Variants in PTPRD observed in about 807,000 individuals in gnomAD.
The protein encoded by PTPRD is receptor-type tyrosine-protein phosphatase delta.
In PTPRD, 34 loss-of-function variants were observed where a neutral mutation model predicts 214.5. That is an observed-to-expected ratio of 0.16 (90% CI 0.12 to 0.21). The LOEUF is 0.21. PTPRD is among the 10% of genes least tolerant of loss of function. The pLI is 1.00. For missense variants in PTPRD, 2,545 were observed against 2,398.7 expected (o/e 1.06, Z -1.27); for synonymous variants, 1,128 against 845.7 (o/e 1.33, Z -5.79).
chr9:9,090,841 C>T, intron 10 of PTPRD: 1 of 776,474 alleles, frequency 1.3e-6, no homozygotes. Flanking sequence ...ATTCCATTGA[C>T]AATGATGACA....
intron 7 of PTPRD, among the ~76,000 whole-genome samples, chr9:9,724,107 G>GT (rs908919405): frequency 9.9e-5 from 15 of 152,042 alleles, no homozygotes; most frequent in African/African-American, 3.6e-4. Flanking sequence ...ACATTAAGAT[G>GT]TTTTTTGTTA....
At chr9:9,655,498 G>A (rs554259669) in intron 7 of PTPRD, among the ~76,000 whole-genome samples, 1 of 152,038 alleles carries the variant, frequency 6.6e-6, no homozygotes, top group South Asian at 2.1e-4. Context: ...GAACCCAGGA[G>A]GCAGAGGTTG....
intron 2 of PTPRD, among the ~76,000 whole-genome samples, chr9:10,453,404 T>C (rs1190010162): frequency 2.0e-5 from 3 of 151,700 alleles, no homozygotes; most frequent in Admixed American, 6.6e-5. Flanking sequence ...TTGGATAGTA[T>C]AGATATTTTA....
At chr9:9,746,805 T>A (rs1234609874) in intron 6 of PTPRD, among the ~76,000 whole-genome samples, 2 of 149,102 alleles carry the variant, frequency 1.3e-5, no homozygotes, top group African/African-American at 5.0e-5. Context: ...AGACAAGATG[T>A]GCTTGAAAAG....
At chr9:9,638,415 A>T (rs2095839881) in intron 7 of PTPRD, among the ~76,000 whole-genome samples, 1 of 152,196 alleles carries the variant, frequency 6.6e-6, no homozygotes, top group South Asian at 2.1e-4. Flanking sequence ...GCCACTTTAT[A>T]ACTAGAATGA....
chr9:9,317,652 G>GA lies in PTPRD; in HGVS notation c.-203+79796dup, dbSNP rs549979371. The stretch of plus-strand genomic sequence containing the variant: ...CACATTGATGCTGATGTTATATTTT[G>GA]AAAAAAATTTCAGTTTTGATTGTTA... On this transcript the variant is annotated intron_variant, in intron 9 of 45. Transcript: ENST00000381196. Among the ~76,000 whole-genome samples the GA allele has an allele frequency of 4.2e-3, 640 of 151,738 alleles. 1 individual carries two copies. Among genetic ancestry groups the GA allele is most frequent in the South Asian group, 7.3e-3 (35 of 4,814 alleles).
intron 2 of PTPRD, among the ~76,000 whole-genome samples, chr9:10,601,366 C>CT (rs2077923976): frequency 6.6e-6 from 1 of 151,594 alleles, no homozygotes; most frequent in African/African-American, 2.4e-5. Flanking sequence ...TAGGCCCCTA[C>CT]TGTGCTAAAT....
At chr9:8,365,199 T>C (rs1050748955) in intron 39 of PTPRD, among the ~76,000 whole-genome samples, 3 of 152,044 alleles carry the variant, frequency 2.0e-5, no homozygotes, top group Non-Finnish European at 2.9e-5. Flanking sequence ...AGTCTGGAAA[T>C]GTCCCTTCCA....
At chr9:9,396,013 G>A (rs1240301946) in intron 9 of PTPRD, among the ~76,000 whole-genome samples, 3 of 151,926 alleles carry the variant, frequency 2.0e-5, no homozygotes, top group Non-Finnish European at 4.4e-5. Flanking sequence ...TTACTTGACT[G>A]AAAGAGACTG....
At chr9:9,287,582 T>C (rs1949911241) in intron 9 of PTPRD, among the ~76,000 whole-genome samples, 1 of 151,908 alleles carries the variant, frequency 6.6e-6, no homozygotes, top group Non-Finnish European at 1.5e-5. Flanking sequence ...TCTCATTAAA[T>C]CTGTGAGTCT....
chr9:10,182,259 C>CAAAAAAAAAAAAAAAAAAAAAAAA lies in PTPRD; in HGVS notation c.-544-148470_-544-148469insTTTTTTTTTTTTTTTTTTTTTTTT, dbSNP rs3075574. Among the ~76,000 whole-genome samples the CAAAAAAAAAAAAAAAAAAAAAAAA allele has an allele frequency of 7.7e-4, 42 of 54,440 alleles. 1 individual carries two copies. Among genetic ancestry groups the CAAAAAAAAAAAAAAAAAAAAAAAA allele is most frequent in the East Asian group, 1.4e-3 (3 of 2,204 alleles). The allele number at this position is 54,440 out of a possible 152,430, so 35.7% of individuals were successfully genotyped here. A position where few individuals can be genotyped will look rare whatever the true frequency, so the allele number is the denominator to read the frequency against. On this transcript the variant is annotated intron_variant, in intron 3 of 45. Transcript: ENST00000381196. ...TGGGCAGCACAGTGAGACTCTGCCT[C>CAAAAAAAAAAAAAAAAAAAAAAAA]AAAAAAAAAAAAAAAAAAAAGAAAA... is the stretch of plus-strand genomic sequence containing the variant.
At chr9:9,812,796 T>C (rs1194857596) in intron 5 of PTPRD, among the ~76,000 whole-genome samples, 1 of 152,118 alleles carries the variant, frequency 6.6e-6, no homozygotes, top group East Asian at 1.9e-4. Flanking sequence ...TGGAGACATA[T>C]GCAGAAAATG....
At chr9:9,032,698 G>T (rs1346887106) in intron 10 of PTPRD, among the ~76,000 whole-genome samples, 1 of 152,110 alleles carries the variant, frequency 6.6e-6, no homozygotes, top group Non-Finnish European at 1.5e-5. Context: ...GTATAGTTCA[G>T]ACAAGGTTTG....
intron 9 of PTPRD, among the ~76,000 whole-genome samples, chr9:9,248,044 TAA>T (rs2099973836): frequency 6.6e-6 from 1 of 152,028 alleles, no homozygotes; most frequent in Non-Finnish European, 1.5e-5. Context: ...AGTAACGTGT[TAA>T]GTCATTGAGT....
chr9:9,920,712 G>T (rs2082312415), intron 5 of PTPRD, among the ~76,000 whole-genome samples: 1 of 152,126 alleles, frequency 6.6e-6, no homozygotes, highest in Admixed American at 6.6e-5. Context: ...TCTTTAGAAA[G>T]GAGGGCTATA....
At chr9:10,498,695 T>G (rs1273846133) in intron 2 of PTPRD, among the ~76,000 whole-genome samples, 1 of 151,842 alleles carries the variant, frequency 6.6e-6, no homozygotes, top group African/African-American at 2.4e-5. Flanking sequence ...AAATAGCAAT[T>G]AAGGTAAAAT....
intron 8 of PTPRD, among the ~76,000 whole-genome samples, chr9:9,440,971 G>C (rs774754781): frequency 6.6e-6 from 1 of 152,180 alleles, no homozygotes; most frequent in Non-Finnish European, 1.5e-5. Flanking sequence ...TGATCTTCAG[G>C]CCTGCTGTTA....
chr9:8,581,619 A>G (rs574557716), intron 14 of PTPRD, among the ~76,000 whole-genome samples: 1 of 152,142 alleles, frequency 6.6e-6, no homozygotes, highest in South Asian at 2.1e-4. Context: ...ATGGTGGCAG[A>G]TGCCTGTAGT....
At chr9:8,459,790 A>G (rs549829853) in intron 33 of PTPRD, among the ~76,000 whole-genome samples, 1 of 152,254 alleles carries the variant, frequency 6.6e-6, no homozygotes, top group South Asian at 2.1e-4. Flanking sequence ...AAAGGAAAAT[A>G]GTACCTTGGC....
Sources: allele counts gnomAD v4.1 joint callset (sites outside exome capture counted in the v4.1 genomes callset), GRCh38; gene constraint gnomAD v4.1.1; transcripts MANE v1.5; gene names NCBI Gene and HGNC (gene_info 2026-07-23, HGNC 2026-07-21).